The following AOPEP variants were observed in gnomAD, a reference collection of about 807,000 sequenced individuals.
AOPEP encodes the protein aminopeptidase O (putative), also known as aminopeptidase O.
AOPEP carries 77 observed loss-of-function variants against 98.1 expected under a neutral mutation model. That is an observed-to-expected ratio of 0.78 (90% CI 0.65 to 0.95). The LOEUF is 0.95. AOPEP is among the 40% of genes least tolerant of loss of function. The pLI is 0.00. For synonymous variants in AOPEP, 346 were observed against 365.3 expected, an observed-to-expected ratio of 0.95 and a Z score of 0.60; for missense variants, 1,024 against 1,024.7, an observed-to-expected ratio of 1.00 and a Z score of 0.01.
intron 13 of AOPEP, among the ~76,000 whole-genome samples, chr9:95,024,030 C>T (rs187320843): frequency 2.8e-4 from 43 of 152,312 alleles, no homozygotes; most frequent in Admixed American, 1.8e-3. Flanking sequence ...ACACTGGCTT[C>T]CTAATTGCTA....
intron 9 of AOPEP, among the ~76,000 whole-genome samples, chr9:94,964,444 G>A (rs748373549): frequency 7.9e-5 from 12 of 152,110 alleles, no homozygotes; most frequent in African/African-American, 1.9e-4. Flanking sequence ...ATGCAAAAGG[G>A]CAGAATTAAG....
At chr9:94,880,098 A>G (rs538348419) in intron 5 of AOPEP, among the ~76,000 whole-genome samples, 66 of 152,324 alleles carry the variant, frequency 4.3e-4, no homozygotes, top group African/African-American at 1.5e-3. Context: ...GTTCATTCAG[A>G]TTGCATATTC....
chr9:95,069,046 C>A (rs771228569), intron 14 of AOPEP, among the ~76,000 whole-genome samples: 1 of 148,038 alleles, frequency 6.8e-6, no homozygotes, highest in Non-Finnish European at 1.5e-5. Context: ...GTTACCAACA[C>A]GAGTCTACAC....
intron 13 of AOPEP, among the ~76,000 whole-genome samples, chr9:95,050,843 G>C (rs2066282685): frequency 6.6e-6 from 1 of 152,240 alleles, no homozygotes; most frequent in Non-Finnish European, 1.5e-5. Flanking sequence ...AGAAAGGACA[G>C]GAACTGGGAG....
intron 13 of AOPEP, among the ~76,000 whole-genome samples, chr9:95,041,296 C>CT (rs2065267822): frequency 6.6e-6 from 1 of 151,852 alleles, no homozygotes; most frequent in African/African-American, 2.4e-5. Flanking sequence ...AGGAAATGGC[C>CT]TTATGAGAAG....
At chr9:94,777,145 A>T (rs1025485142) in intron 3 of AOPEP, among the ~76,000 whole-genome samples, 1 of 152,136 alleles carries the variant, frequency 6.6e-6, no homozygotes, top group Non-Finnish European at 1.5e-5. Context: ...ACAGAAAACT[A>T]ATGTTAAGGC....
At chr9:95,005,352 G>T (rs2061920279) in intron 12 of AOPEP, 132 bp downstream of exon 12, 1 of 737,570 alleles carries the variant, frequency 1.4e-6, no homozygotes, top group South Asian at 3.9e-5. Context: ...CGGGCGCGGG[G>T]AGCGGCCGTG....
intron 13 of AOPEP, among the ~76,000 whole-genome samples, chr9:95,055,123 A>C (rs1301234634): frequency 6.6e-6 from 1 of 152,218 alleles, no homozygotes. Flanking sequence ...TTTAGAATAA[A>C]TATATTTCAT....
chr9:94,779,577 A>G (rs1157751569), intron 3 of AOPEP, among the ~76,000 whole-genome samples: 1 of 152,158 alleles, frequency 6.6e-6, no homozygotes, highest in Admixed American at 6.5e-5. Flanking sequence ...ACTCTTACAC[A>G]TCCGTAAAGC....
At chr9:95,110,133 C>T in the AOPEP span, 1 of 509,058 alleles carries the variant, frequency 2.0e-6, no homozygotes, top group Non-Finnish European at 2.5e-6. Flanking sequence ...CCTAGGCATC[C>T]CCTGAGGGAG....
chr9:94,825,847 A>G (rs551023017), intron 5 of AOPEP, among the ~76,000 whole-genome samples: 19 of 152,370 alleles, frequency 1.2e-4, no homozygotes, highest in African/African-American at 3.8e-4. Flanking sequence ...ATTTGCTTCT[A>G]GCTACAGACC....
At chr9:94,877,392 TA>T (rs1016901577) in intron 5 of AOPEP, among the ~76,000 whole-genome samples, 1 of 151,400 alleles carries the variant, frequency 6.6e-6, no homozygotes, top group Non-Finnish European at 1.5e-5. Flanking sequence ...CCACATTTAG[TA>T]AAAAAATGAC....
At chr9:94,807,225 G>A (rs926185939) in intron 5 of AOPEP, among the ~76,000 whole-genome samples, 9 of 152,192 alleles carry the variant, frequency 5.9e-5, no homozygotes, top group Non-Finnish European at 5.9e-5. Context: ...GGGTTAACTA[G>A]AATCTTCTTT....
At chr9:94,745,285 T>A (rs551432426) in intron 1 of AOPEP, among the ~76,000 whole-genome samples, 1 of 152,038 alleles carries the variant, frequency 6.6e-6, no homozygotes, top group East Asian at 1.9e-4. Context: ...TTAATTTTTT[T>A]TTTTTTTTTG....
At chr9:94,996,422 A>T (rs2061250292) in intron 11 of AOPEP, among the ~76,000 whole-genome samples, 1 of 149,922 alleles carries the variant, frequency 6.7e-6, no homozygotes, top group Non-Finnish European at 1.5e-5. Context: ...TCATCAAGGG[A>T]TGGATGAATC....
At chr9:94,799,141 T>C (rs895838876) in intron 4 of AOPEP, among the ~76,000 whole-genome samples, 14 of 152,194 alleles carry the variant, frequency 9.2e-5, no homozygotes, top group Non-Finnish European at 1.9e-4. Context: ...AGCGCTGGCC[T>C]TGGGTAAGTG....
chr9:94,899,952 C>T (rs1223759713), intron 5 of AOPEP, among the ~76,000 whole-genome samples: 1 of 151,994 alleles, frequency 6.6e-6, no homozygotes, highest in Non-Finnish European at 1.5e-5. Flanking sequence ...CTGACCCCTC[C>T]CCCCCAGCCA....
At chr9:95,047,259 A>G (rs2065934825) in intron 13 of AOPEP, among the ~76,000 whole-genome samples, 1 of 152,200 alleles carries the variant, frequency 6.6e-6, no homozygotes, top group African/African-American at 2.4e-5. Flanking sequence ...TTTAATGCGA[A>G]GTTTTTATAG....
At chr9:94,947,761 G>A (rs1261566860) in intron 7 of AOPEP, among the ~76,000 whole-genome samples, 1 of 152,206 alleles carries the variant, frequency 6.6e-6, no homozygotes, top group Non-Finnish European at 1.5e-5. Context: ...ATTTGATAGA[G>A]GAGGAAGCAG....
Sources: gnomAD v4.1 joint callset for allele counts (sites outside exome capture counted in the v4.1 genomes callset) on GRCh38, gnomAD v4.1.1 for gene constraint, MANE v1.5 for transcripts, NCBI Gene and HGNC (gene_info 2026-07-23, HGNC 2026-07-21) for gene names.